CTC1: variants seen among roughly 807,000 people sequenced by gnomAD.
CTC1 encodes CST complex subunit CTC1.
Under a neutral mutation model 136.3 loss-of-function variants are expected in CTC1, and 91 were observed. That is an observed-to-expected ratio of 0.67 (90% CI 0.56 to 0.79). CTC1 has a LOEUF of 0.79. Ranked by LOEUF, CTC1 falls within the 30% of genes least tolerant of loss-of-function variation. CTC1 has a pLI of 0.00. For missense variants in CTC1, 1,432 were observed against 1,498.1 expected, an observed-to-expected ratio of 0.96 and a Z score of 0.73; for synonymous variants, 606 against 613.8, an observed-to-expected ratio of 0.99 and a Z score of 0.19.
At position 8,231,763 on chromosome 17, in the gene CTC1, G is replaced by A. The variant is rs764138772; in HGVS notation, c.2438C>T (p.Pro813Leu). The part of the protein sequence containing the change: ...SSVRWFEFLH[P>L]GQVYRLIAPG... ...AGCTATGAGTCGGTACACCTGTCCC[G>A]GGTGCAAGAACTCAAACCAGCGGAC... The change falls in exon 14 of 23, where the codon CCG (proline) becomes CTG (leucine). Residue 813 changes from proline (P) to leucine (L), a missense_variant. By Grantham distance (98) the Pro-to-Leu change is moderately conservative. Transcript: ENST00000651323. The A allele has an allele frequency of 2.2e-5, 36 of 1,614,046 alleles. No individual in the cohort carries two copies. The highest frequency in any genetic ancestry group is 1.6e-4 in the Middle Eastern group (1 of 6,084).
rs750671230 is a variant in CTC1 at position 8,237,043 on chromosome 17, T to TC, written c.792+331_792+332insG. 2.5e-3 allele frequency among the ~76,000 whole-genome samples: 379 copies of TC among 151,432 alleles called. 4 individuals are homozygous for TC. Among genetic ancestry groups the TC allele is most frequent in the Non-Finnish European group, 6.6e-4 (45 of 67,804 alleles). The stretch of plus-strand genomic sequence containing the variant: ...GAGTCAACAGTAAGTACCAAGTTTT[T>TC]TTTTTTTTTTTAATGCCTGTATTCA... On this transcript the variant is annotated intron_variant, in intron 5 of 22. Transcript: ENST00000651323.
rs774286671 is a variant in CTC1, at chr17:8,229,976, T to C, written c.2934-8A>G. On this transcript the variant is annotated splice_region_variant and splice_polypyrimidine_tract_variant and intron_variant, in intron 17 of 22. Transcript: ENST00000651323. The stretch of plus-strand genomic sequence containing the variant: ...CAATAAACATTGTGAGATCTGCAAG[T>C]GGAAGAGGAATAGTGAGTGACCAGG... 4 of 1,613,552 alleles carry C rather than the reference T, an allele frequency of 2.5e-6. No homozygotes were observed. Among genetic ancestry groups the C allele is most frequent in the African/African-American group, 2.7e-5 (2 of 74,806 alleles).
Position 8,238,031 on chromosome 17 carries a change from C to CT in CTC1, c.646dup (p.Arg216LysfsTer25). On this transcript the variant is annotated frameshift_variant and splice_region_variant, in exon 4 of 23. Transcript: ENST00000651323. LOFTEE classifies it high-confidence loss of function. ...TGCCATGCCTAGAGGGGGAAATTACCTGAGCCTGAGCAGGCAGGAAGCACT... is the reference window on the plus strand; with the variant it reads ...TGCCATGCCTAGAGGGGGAAATTACCTTGAGCCTGAGCAGGCAGGAAGCACT... 1.9e-6 allele frequency: 3 copies of CT among 1,611,552 alleles called. No individual in the cohort carries two copies. Among genetic ancestry groups the CT allele is most frequent in the Non-Finnish European group, 2.5e-6 (3 of 1,178,104 alleles).
rs1367267923 is a variant in CTC1 at position 8,229,422 on chromosome 17, C to T, written c.3036G>A (p.Leu1012=). 2 of 1,613,642 alleles carry T rather than the reference C, an allele frequency of 1.2e-6. No homozygotes were observed. Among genetic ancestry groups the T allele is most frequent in the African/African-American group, 2.7e-5 (2 of 74,886 alleles). Residue 1012 remains leucine (L), a synonymous_variant, in exon 19 of 23, where the codon CTG becomes CTA. Coordinates refer to ENST00000651323, the MANE Select transcript of CTC1 (RefSeq NM_025099.6). ...TISIPLPHIY[L]AELLQGGQSP... ...ACTGACCACCCTGCAGAAGTTCAGC[C>T]AGGTAGATGTGGGGCAGGGGAATGC...
intron 11 of CTC1, 161 bp downstream of exon 11, chr17:8,232,745 T>G (rs1263464051): frequency 1.0e-6 from 1 of 963,700 alleles, no homozygotes. Flanking sequence ...GTCCTCTTGC[T>G]CCTGTTCTCT....
intron 2 of CTC1, among the ~76,000 whole-genome samples, chr17:8,241,011 G>A (rs796323111): frequency 8.0e-5 from 12 of 150,588 alleles, no homozygotes; most frequent in South Asian, 4.2e-4. Context: ...ACTATGGGCC[G>A]GGCGCGGTGG....
At position 8,228,276 on chromosome 17, in the gene CTC1, G is replaced by A. The variant is rs751483412; in HGVS notation, c.3558C>T (p.Phe1186=). The change falls in exon 23 of 23, where the codon TTC becomes TTT. Residue 1186 remains phenylalanine, a synonymous_variant. Coordinates refer to ENST00000651323, the MANE Select transcript of CTC1 (RefSeq NM_025099.6). ...GGAGCCTGGGGTTCACGTGAGTCAG[G>A]AAAGGGAGCTCTCCACACTGGAATC... is the stretch of plus-strand genomic sequence containing the variant. ...LQRFQCGELP[F]LTHVNPRLRL... 7 of 1,614,044 alleles carry A rather than the reference G, an allele frequency of 4.3e-6. No individual in the cohort carries two copies. In the African/African-American group the frequency reaches 6.7e-5, roughly 15 times the overall value.
intron 2 of CTC1, 74 bp downstream of exon 2, chr17:8,242,911 A>T: frequency 7.1e-7 from 1 of 1,402,618 alleles, no homozygotes; most frequent in Admixed American, 2.3e-5. Flanking sequence ...TTTTCTAATT[A>T]TAGAACCTTA....
At chr17:8,245,901 CAATTCAAAATT>C (rs1180173892) in intron 1 of CTC1, among the ~76,000 whole-genome samples, 3 of 139,078 alleles carry the variant, frequency 2.2e-5, no homozygotes, top group Admixed American at 8.6e-5. Flanking sequence ...AACTCTAAAA[CAATTCAAAATT>C]AGCTGGATTA....
Position 8,234,844 on chromosome 17 carries a change from C to T in CTC1, c.1522G>A (p.Ala508Thr), listed in dbSNP as rs774192020. ...GGAGCTAGAAGATCCAGGGTAGGAG[C>T]CAGGAGTTGCAGTCCCAGGCTGGGG... is the stretch of plus-strand genomic sequence containing the variant. ...GSPSLGLQLL[A>T]PTLDLLAPPG... Residue 508 changes from alanine (A) to threonine (T), a missense_variant, in exon 9 of 23, where the codon GCT (alanine) becomes ACT (threonine). By Grantham distance (58) the Ala-to-Thr change is moderately conservative. Transcript: ENST00000651323. The T allele has an allele frequency of 6.2e-7, 1 of 1,613,394 alleles. No individual in the cohort carries two copies. Among genetic ancestry groups the T allele is most frequent in the Non-Finnish European group, 8.5e-7 (1 of 1,179,696 alleles).
chr17:8,231,398 T>G lies in CTC1; in HGVS notation c.2547A>C (p.Ala849=). 1 of 1,613,724 alleles carries G rather than the reference T, an allele frequency of 6.2e-7. No individual in the cohort carries two copies. ...SRRPLELAGC[A]SCLTVQDNWT... is the part of the protein sequence containing the mutation. ...AGTTGTCCTGGACAGTGAGGCAGGA[T>G]GCACAGCCAGCCAACTCCAGAGGAC... Residue 849 remains alanine, a synonymous_variant, in exon 15 of 23, where the codon GCA becomes GCC. Transcript: ENST00000651323.
At chr17:8,242,583 C>CAT (rs1160724288) in intron 2 of CTC1, among the ~76,000 whole-genome samples, 5 of 127,678 alleles carry the variant, frequency 3.9e-5, no homozygotes, top group African/African-American at 6.0e-5. Flanking sequence ...TATATATACA[C>CAT]ATATATATAT....
rs756340191 is a variant in CTC1 at position 8,237,561 on chromosome 17, A to G, written c.648-42T>C. On this transcript the variant is annotated intron_variant, in intron 4 of 22. Transcript: ENST00000651323. ...AGCCCTGTAATCCCAGCTACTCAGG[A>G]GGCTGAGGGAGGAGAATCACTTGAA... 33 of 1,554,528 alleles carry G rather than the reference A, an allele frequency of 2.1e-5. No homozygotes were observed. The East Asian group carries it at 7.5e-4, about 36-fold the overall frequency.
rs746666288 is a variant in CTC1 at position 8,228,817 on chromosome 17, C to T, written c.3297G>A (p.Leu1099=). 3.1e-6 allele frequency: 5 copies of T among 1,614,120 alleles called. No homozygotes were observed. Among genetic ancestry groups the T allele is most frequent in the Non-Finnish European group, 4.2e-6 (5 of 1,180,002 alleles). Residue 1099 remains leucine, a synonymous_variant, in exon 21 of 23, where the codon CTG becomes CTA. Transcript: ENST00000651323. ...GGAGGGAGGCCCACTCTCTAGGACA[C>T]AGCCCTAGTGCTGCTGCCACATGGT... ...RNHHVAAALG[L]CPREWASLLD... is the part of the protein sequence containing the mutation.
intron 10 of CTC1, among the ~76,000 whole-genome samples, chr17:8,234,025 C>G (rs1987472362): frequency 6.6e-6 from 1 of 152,102 alleles, no homozygotes; most frequent in Non-Finnish European, 1.5e-5. Context: ...TGCTCTGTTG[C>G]CCCGGCTGGA....
chr17:8,235,722 C>T, intron 7 of CTC1, 109 bp downstream of exon 7: 1 of 1,279,288 alleles, frequency 7.8e-7, no homozygotes, highest in Non-Finnish European at 1.1e-6. Context: ...CTAACACACA[C>T]TTTTAATTTC....
rs75790638 is a variant in CTC1 at position 8,235,185 on chromosome 17, C to A, written c.1307G>T (p.Arg436Leu). ...GGATGAGTGAGCCCCAGGCTTCTGACGAGAGAAGCTTTGAAGCAGAACGGC... is the reference window on the plus strand; with the variant it reads ...GGATGAGTGAGCCCCAGGCTTCTGAAGAGAGAAGCTTTGAAGCAGAACGGC... ...RGAVLLQSFS[R>L]QKPGAHSSRQ... Residue 436 changes from arginine (R) to leucine (L), a missense_variant, in exon 8 of 23, where the codon CGT (arginine) becomes CTT (leucine). Arg to Leu is a moderately radical substitution (Grantham distance 102). Coordinates refer to ENST00000651323, the MANE Select transcript of CTC1 (RefSeq NM_025099.6). 4 of 1,614,008 alleles carry A rather than the reference C, an allele frequency of 2.5e-6. No individual in the cohort carries two copies. The highest frequency in any genetic ancestry group is 1.6e-4 in the Middle Eastern group (1 of 6,084).
rs1002893413 is a variant in CTC1, at chr17:8,231,102, T to C, written c.2669+174A>G. On this transcript the variant is annotated intron_variant, in intron 15 of 22. Coordinates refer to ENST00000651323, the MANE Select transcript of CTC1 (RefSeq NM_025099.6). ...GTTTCAGTGAGCTGAGATCAGGCCA[T>C]TGCACTCTGGCTTAGGCAACAGAGT... 3.3e-5 allele frequency among the ~76,000 whole-genome samples: 5 copies of C among 152,226 alleles called. No individual in the cohort carries two copies. In the South Asian group the frequency reaches 8.3e-4, roughly 25 times the overall value.
At chr17:8,247,679 T>C (rs936286393) in intron 1 of CTC1, 10 of 283,628 alleles carry the variant, frequency 3.5e-5, no homozygotes, top group Non-Finnish European at 5.4e-5. Context: ...GGTTGCCCTT[T>C]TCCCCTACAG....
Sources: gnomAD v4.1 joint callset for allele counts (sites outside exome capture counted in the v4.1 genomes callset) on GRCh38, gnomAD v4.1.1 for gene constraint, MANE v1.5 for transcripts, NCBI Gene and HGNC (gene_info 2026-07-23, HGNC 2026-07-21) for gene names.